The following PRKCA variants were observed in gnomAD, a reference collection of about 807,000 sequenced individuals.
PRKCA encodes the protein protein kinase C alpha type.
In PRKCA, 27 loss-of-function variants were observed where a neutral mutation model predicts 87.0. The ratio of observed to expected loss-of-function variants is 0.31; its 90% CI spans 0.23 to 0.43. The LOEUF (loss-of-function observed/expected upper bound fraction) is 0.43. Among genes scored for constraint, PRKCA ranks in the 20% least tolerant of loss-of-function variants. PRKCA has a pLI of 1.00. For synonymous variants in PRKCA, 329 were observed against 311.1 expected (o/e 1.06, Z -0.61); for missense variants, 518 against 852.3 (o/e 0.61, Z 4.88).
intron 3 of PRKCA, among the ~76,000 whole-genome samples, chr17:66,571,699 CT>C (rs1200171736): frequency 6.6e-6 from 1 of 152,202 alleles, no homozygotes; most frequent in Non-Finnish European, 1.5e-5. Context: ...GGTTTAAAAA[CT>C]TTTGTTTGAC....
intron 1 of PRKCA, among the ~76,000 whole-genome samples, chr17:66,304,441 A>G (rs551578243): frequency 6.6e-6 from 1 of 152,232 alleles, no homozygotes; most frequent in East Asian, 1.9e-4. Flanking sequence ...TTTGTGGTGT[A>G]GGAAGTTCCG....
At chr17:66,317,380 T>C (rs1339909154) in intron 2 of PRKCA, among the ~76,000 whole-genome samples, 2 of 152,072 alleles carry the variant, frequency 1.3e-5, no homozygotes, top group African/African-American at 4.8e-5. Flanking sequence ...ATTTGAGAAA[T>C]ACAAGTTTAC....
At chr17:66,711,856 G>A (rs1230397202) in intron 8 of PRKCA, among the ~76,000 whole-genome samples, 1 of 152,162 alleles carries the variant, frequency 6.6e-6, no homozygotes, top group Admixed American at 6.5e-5. Flanking sequence ...TCACCCTGCA[G>A]ATGTGCCTGT....
intron 3 of PRKCA, among the ~76,000 whole-genome samples, chr17:66,573,409 T>C (rs1969136133): frequency 6.6e-6 from 1 of 152,220 alleles, no homozygotes; most frequent in African/African-American, 2.4e-5. Context: ...TGTGATCAGT[T>C]CGTTTTCTGC....
chr17:66,786,765 G>T, intron 14 of PRKCA, 102 bp from the exon 15 acceptor site: 2 of 847,754 alleles, frequency 2.4e-6, no homozygotes. Context: ...GTGGGGCTGA[G>T]AAACCTGGTC....
intron 10 of PRKCA, among the ~76,000 whole-genome samples, chr17:66,736,024 A>G (rs1168180636): frequency 6.8e-6 from 1 of 146,902 alleles, no homozygotes; most frequent in East Asian, 2.0e-4. Flanking sequence ...GAGACCACAG[A>G]TGTACCCCAC....
At chr17:66,446,238 A>AACACAC (rs202026912) in intron 2 of PRKCA, among the ~76,000 whole-genome samples, 10 of 150,788 alleles carry the variant, frequency 6.6e-5, no homozygotes, top group African/African-American at 2.0e-4. Context: ...CTCTCTTCCC[A>AACACAC]ACACACACAC....
At chr17:66,763,640 A>G (rs1291112229) in intron 13 of PRKCA, among the ~76,000 whole-genome samples, 1 of 152,214 alleles carries the variant, frequency 6.6e-6, no homozygotes, top group African/African-American at 2.4e-5. Context: ...TCCCTGAAAC[A>G]GTAAAAGGAC....
intron 2 of PRKCA, among the ~76,000 whole-genome samples, chr17:66,328,901 TG>T (rs1906152902): frequency 1.3e-5 from 2 of 152,194 alleles, no homozygotes. Flanking sequence ...GGAGCCACCT[TG>T]CAGGTCTTAG....
intron 2 of PRKCA, among the ~76,000 whole-genome samples, chr17:66,417,088 G>T (rs1393118706): frequency 6.6e-6 from 1 of 151,930 alleles, no homozygotes; most frequent in Non-Finnish European, 1.5e-5. Context: ...TGGTAGAGAT[G>T]GGGGTTTTGC....
intron 2 of PRKCA, among the ~76,000 whole-genome samples, chr17:66,376,159 G>GC (rs1308926201): frequency 6.6e-6 from 1 of 152,180 alleles, no homozygotes; most frequent in African/African-American, 2.4e-5. Context: ...GAAGCCGGCT[G>GC]CATCAGAATC....
At chr17:66,729,471 C>T (rs891361599) in intron 8 of PRKCA, among the ~76,000 whole-genome samples, 3 of 152,134 alleles carry the variant, frequency 2.0e-5, no homozygotes, top group African/African-American at 7.2e-5. Context: ...AGAATCATTG[C>T]CGGGGCCAGT....
intron 2 of PRKCA, among the ~76,000 whole-genome samples, chr17:66,474,810 C>T (rs1057096713): frequency 9.9e-5 from 15 of 152,106 alleles, no homozygotes; most frequent in Non-Finnish European, 1.9e-4. Flanking sequence ...TTGTGTGTTG[C>T]GCGTAACCTC....
At chr17:66,405,273 G>A (rs1911301569) in intron 2 of PRKCA, among the ~76,000 whole-genome samples, 1 of 152,222 alleles carries the variant, frequency 6.6e-6, no homozygotes, top group Admixed American at 6.5e-5. Flanking sequence ...TGGTGAACCT[G>A]CTGTCCCTGA....
At chr17:66,467,759 T>C (rs1397384341) in intron 2 of PRKCA, among the ~76,000 whole-genome samples, 1 of 152,034 alleles carries the variant, frequency 6.6e-6, no homozygotes, top group Non-Finnish European at 1.5e-5. Flanking sequence ...GGTCTCACTA[T>C]GTTGCTCAGG....
chr17:66,581,269 C>T (rs1462640484), intron 3 of PRKCA, among the ~76,000 whole-genome samples: 2 of 152,160 alleles, frequency 1.3e-5, no homozygotes, highest in African/African-American at 4.8e-5. Flanking sequence ...TTCGTTGCAA[C>T]CACTCAATTC....
intron 3 of PRKCA, among the ~76,000 whole-genome samples, chr17:66,517,167 C>T (rs1358834785): frequency 6.6e-6 from 1 of 152,038 alleles, no homozygotes; most frequent in African/African-American, 2.4e-5. Flanking sequence ...ACCTGTAGTC[C>T]CAGCTACTTG....
At chr17:66,437,321 A>G (rs964922853) in intron 2 of PRKCA, among the ~76,000 whole-genome samples, 6 of 152,178 alleles carry the variant, frequency 3.9e-5, no homozygotes, top group Non-Finnish European at 8.8e-5. Context: ...TTTCTCCATC[A>G]TAATAAATAT....
chr17:66,773,954 A>G, intron 13 of PRKCA, 33 bp from the exon 14 acceptor site: 1 of 1,613,470 alleles, frequency 6.2e-7, no homozygotes, highest in Non-Finnish European at 8.5e-7. Context: ...TGGACTTACC[A>G]CTAATGTAAT....
Sources: gnomAD v4.1 joint callset for allele counts (sites outside exome capture counted in the v4.1 genomes callset) on GRCh38, gnomAD v4.1.1 for gene constraint, MANE v1.5 for transcripts, NCBI Gene and HGNC (gene_info 2026-07-23, HGNC 2026-07-21) for gene names.